Variants in FRMD4A observed in about 807,000 individuals in gnomAD.
The protein encoded by FRMD4A is FERM domain containing 4A, also known as FERM domain-containing protein 4A.
A neutral mutation model predicts 129.1 loss-of-function variants in FRMD4A; 29 were observed. The observed-to-expected ratio is 0.22, with a 90% confidence interval of 0.17 to 0.31. The LOEUF is 0.31. Ranked by LOEUF, FRMD4A falls within the 10% of genes least tolerant of loss-of-function variation. FRMD4A has a pLI of 1.00. For missense variants in FRMD4A, 1,272 were observed against 1,375.8 expected (o/e 0.92, Z 1.19); for synonymous variants, 634 against 571.6 (o/e 1.11, Z -1.56).
chr10:13,986,689 GAAAA>G (rs56326657), intron 2 of FRMD4A, among the ~76,000 whole-genome samples: 9 of 139,998 alleles, frequency 6.4e-5, no homozygotes, highest in Non-Finnish European at 9.3e-5. Flanking sequence ...TAAATATAAG[GAAAA>G]AAAAAAAAGA....
At chr10:14,248,406 G>A (rs1373646608) in intron 2 of FRMD4A, among the ~76,000 whole-genome samples, 4 of 152,128 alleles carry the variant, frequency 2.6e-5, no homozygotes, top group Admixed American at 6.6e-5. Context: ...CCTTTTTCCA[G>A]TCTTACATAT....
At chr10:13,798,861 G>C (rs1053988194) in intron 4 of FRMD4A, among the ~76,000 whole-genome samples, 1 of 152,232 alleles carries the variant, frequency 6.6e-6, no homozygotes, top group Non-Finnish European at 1.5e-5. Flanking sequence ...CTCTGCCCAT[G>C]CCTGATAATG....
intron 2 of FRMD4A, among the ~76,000 whole-genome samples, chr10:14,214,851 A>T (rs1843027630): frequency 6.6e-6 from 1 of 152,230 alleles, no homozygotes; most frequent in Non-Finnish European, 1.5e-5. Flanking sequence ...GCCTACATAT[A>T]AACAAAGAAC....
chr10:13,706,837 G>T (rs2087504348), intron 13 of FRMD4A, among the ~76,000 whole-genome samples, 200 bp downstream of exon 13: 2 of 151,052 alleles, frequency 1.3e-5, no homozygotes, highest in Non-Finnish European at 2.9e-5. Flanking sequence ...TTACACACAC[G>T]TGCGAACCCA....
chr10:14,108,505 G>T (rs1402855587), intron 2 of FRMD4A, among the ~76,000 whole-genome samples: 1 of 152,160 alleles, frequency 6.6e-6, no homozygotes, highest in Non-Finnish European at 1.5e-5. Context: ...TTGGAATGTT[G>T]CCTTAATGAA....
chr10:14,212,710 A>T (rs1171719789), intron 2 of FRMD4A, among the ~76,000 whole-genome samples: 1 of 152,220 alleles, frequency 6.6e-6, no homozygotes, highest in African/African-American at 2.4e-5. Context: ...GGAAACTGTA[A>T]GTACCTTAAT....
chr10:13,691,023 T>C (rs1243777089), intron 15 of FRMD4A, among the ~76,000 whole-genome samples: 1 of 152,228 alleles, frequency 6.6e-6, no homozygotes. Context: ...AGTCTCACTC[T>C]GCCGCTCAGG....
intron 12 of FRMD4A, among the ~76,000 whole-genome samples, chr10:13,719,569 GT>G (rs1003556698): frequency 8.5e-5 from 13 of 152,276 alleles, no homozygotes; most frequent in African/African-American, 3.1e-4. Flanking sequence ...GCTGTGTAAG[GT>G]TTGGTGTTAA....
At chr10:13,673,247 G>A (rs2134724834) in intron 16 of FRMD4A, among the ~76,000 whole-genome samples, 1 of 152,258 alleles carries the variant, frequency 6.6e-6, no homozygotes, top group South Asian at 2.1e-4. Flanking sequence ...CAGGCCAATT[G>A]CTTTCCTAAG....
chr10:14,270,192 G>A (rs905249476), intron 2 of FRMD4A, among the ~76,000 whole-genome samples: 3 of 152,124 alleles, frequency 2.0e-5, no homozygotes, highest in Non-Finnish European at 4.4e-5. Context: ...TTATGTTATG[G>A]GTTTTTGCTG....
Position 13,663,520 on chromosome 10 carries a change from A to C in FRMD4A, c.1604-11T>G, listed in dbSNP as rs760788994. 8.4e-6 allele frequency: 12 copies of C among 1,431,710 alleles called. No homozygotes were observed. Among genetic ancestry groups the C allele is most frequent in the Non-Finnish European group, 4.9e-6 (5 of 1,013,008 alleles). 88.7% of individuals were successfully genotyped at this position (1,431,710 alleles called of 1,614,324 possible). On this transcript the variant is annotated splice_polypyrimidine_tract_variant and intron_variant, in intron 18 of 24. Coordinates refer to ENST00000357447, the MANE Select transcript of FRMD4A (RefSeq NM_018027.5). The stretch of plus-strand genomic sequence containing the variant: ...TGGCAATGTTTCCATCTGAGAAGAC[A>C]AAAAGCAATAGCCTATGAGTTCAGC...
At chr10:13,796,372 C>T in intron 5 of FRMD4A, 124 bp downstream of exon 5, 1 of 687,318 alleles carries the variant, frequency 1.5e-6, no homozygotes, top group South Asian at 1.6e-5. Context: ...TCTACTACAA[C>T]CTTTATCCCT....
In FRMD4A at chr10:13,967,748, G is replaced by A. The variant is rs12355805; in HGVS notation, c.46-108836C>T. Among the ~76,000 whole-genome samples the A allele has an allele frequency of 5.1e-3, 781 of 152,246 alleles. 3 individuals are homozygous for A. The highest frequency in any genetic ancestry group is 0.021 in the South Asian group (101 of 4,822). ...GCTAATATCAGAAATCACGTGTTAA[G>A]AATACAGATTGTGTAGGCTGAGCGC... On this transcript the variant is annotated intron_variant, in intron 2 of 24. Transcript: ENST00000357447.
chr10:14,186,922 A>G (rs1020571294), intron 2 of FRMD4A, among the ~76,000 whole-genome samples: 12 of 150,610 alleles, frequency 8.0e-5, no homozygotes, highest in African/African-American at 2.9e-4. Context: ...GAGTTTTGAG[A>G]CCAGCCTGGG....
intron 12 of FRMD4A, among the ~76,000 whole-genome samples, chr10:13,733,763 T>C (rs1382477869): frequency 6.6e-6 from 1 of 152,194 alleles, no homozygotes; most frequent in Non-Finnish European, 1.5e-5. Flanking sequence ...AGATTGTACA[T>C]TCATTTCTTA....
chr10:13,931,048 T>A (rs965975380), intron 2 of FRMD4A, among the ~76,000 whole-genome samples: 1 of 152,174 alleles, frequency 6.6e-6, no homozygotes, highest in African/African-American at 2.4e-5. Flanking sequence ...TTGCCCAGGC[T>A]GGTCTCAAAC....
intron 20 of FRMD4A, 24 bp from the exon 21 acceptor site, chr10:13,659,514 G>C: frequency 6.2e-7 from 1 of 1,604,256 alleles, no homozygotes; most frequent in Non-Finnish European, 8.5e-7. Flanking sequence ...GATGCCACGT[G>C]GTCACCGCCA....
At chr10:14,226,353 G>A (rs908100017) in intron 2 of FRMD4A, among the ~76,000 whole-genome samples, 6 of 152,232 alleles carry the variant, frequency 3.9e-5, no homozygotes, top group Non-Finnish European at 5.9e-5. Flanking sequence ...TGGAGATCAC[G>A]CAGACACCCA....
At chr10:14,319,782 C>A (rs766435365) in intron 2 of FRMD4A, among the ~76,000 whole-genome samples, 1 of 152,170 alleles carries the variant, frequency 6.6e-6, no homozygotes, top group Non-Finnish European at 1.5e-5. Flanking sequence ...CCTAACCCAG[C>A]CTTTACCTCC....
Sources: allele counts gnomAD v4.1 joint callset (sites outside exome capture counted in the v4.1 genomes callset), GRCh38; gene constraint gnomAD v4.1.1; transcripts MANE v1.5; gene names NCBI Gene and HGNC (gene_info 2026-07-23, HGNC 2026-07-21).